The following TNRC6B variants were observed in gnomAD, a reference collection of about 807,000 sequenced individuals.
TNRC6B encodes trinucleotide repeat-containing gene 6B protein.
TNRC6B carries 52 observed loss-of-function variants against 203.6 expected under a neutral mutation model. That is an observed-to-expected ratio of 0.26 (90% CI 0.20 to 0.32). The LOEUF is 0.32. TNRC6B is among the 10% of genes least tolerant of loss of function. TNRC6B has a pLI of 1.00. For synonymous variants in TNRC6B, 838 were observed against 845.7 expected, an observed-to-expected ratio of 0.99 and a Z score of 0.16; for missense variants, 1,923 against 2,286.2, an observed-to-expected ratio of 0.84 and a Z score of 3.24.
intron 1 of TNRC6B, among the ~76,000 whole-genome samples, chr22:40,212,746 T>A (rs2146423509): frequency 6.6e-6 from 1 of 152,232 alleles, no homozygotes; most frequent in South Asian, 2.1e-4. Flanking sequence ...TCTCCTGGGT[T>A]CAAGCGATTC....
chr22:40,065,703 C>T (rs935910425), intron 1 of TNRC6B, among the ~76,000 whole-genome samples: 4 of 152,030 alleles, frequency 2.6e-5, no homozygotes, highest in East Asian at 1.9e-4. Context: ...TCTGGATCGA[C>T]GCTGTTTGAT....
intron 15 of TNRC6B, among the ~76,000 whole-genome samples, chr22:40,306,376 T>A (rs2071088087): frequency 6.6e-6 from 1 of 152,200 alleles, no homozygotes; most frequent in Admixed American, 6.5e-5. Flanking sequence ...AAAATTAATG[T>A]GTAAGGAATG....
intron 3 of TNRC6B, among the ~76,000 whole-genome samples, chr22:40,152,960 G>T (rs2068772693): frequency 6.6e-6 from 1 of 151,926 alleles, no homozygotes; most frequent in African/African-American, 2.4e-5. Context: ...AAATTAGCCA[G>T]GTGTAGTGGC....
chr22:40,107,028 G>C lies in TNRC6B; in HGVS notation c.-120-10027G>C, dbSNP rs2068290211. ...TTTTTTCTTAAGGATTTCTGGCACA[G>C]CAGGAACCTTCTTCTTCTTCTTTTC... On this transcript the variant is annotated intron_variant, in intron 1 of 23. Transcript: ENST00000301923. The C allele has an allele frequency of 3.6e-5, 37 of 1,036,790 alleles. No individual in the cohort carries two copies. In the South Asian group the frequency reaches 4.8e-4, roughly 13 times the overall value. The allele number at this position is 1,036,790 out of a possible 1,614,324, so 64.2% of individuals were successfully genotyped here.
chr22:40,149,821 CAG>C (rs2068732413), intron 3 of TNRC6B, among the ~76,000 whole-genome samples: 1 of 149,922 alleles, frequency 6.7e-6, no homozygotes, highest in Admixed American at 6.6e-5. Context: ...TTTTAAGAGA[CAG>C]GGTCTCACTT....
rs1411787109 is a variant in TNRC6B at position 40,312,912 on chromosome 22, T to C, written c.4593T>C (p.Ser1531=). The stretch of plus-strand genomic sequence containing the variant: ...TCTTTGTTACCCAAGGGTCTAATTC[T>C]TCCCTCAACACCTCGCTGCCTTCAC... ...LLRDNTTGSN[S]SLNTSLPSPG... Residue 1531 remains serine, a synonymous_variant, in exon 19 of 23, where the codon TCT becomes TCC. Coordinates refer to ENST00000454349, the MANE Select transcript of TNRC6B (RefSeq NM_001162501.2). 5 of 1,613,658 alleles carry C rather than the reference T, an allele frequency of 3.1e-6. No individual in the cohort carries two copies. The East Asian group carries it at 6.7e-5, about 22-fold the overall frequency.
At chr22:40,146,223 A>G (rs985323445) in intron 3 of TNRC6B, among the ~76,000 whole-genome samples, 2 of 152,182 alleles carry the variant, frequency 1.3e-5, no homozygotes, top group African/African-American at 2.4e-5. Context: ...GAGACAGACA[A>G]TAAGACACAT....
intron 3 of TNRC6B, chr22:40,253,706 G>A (rs1490900002): frequency 2.2e-6 from 1 of 456,322 alleles, no homozygotes; most frequent in Admixed American, 2.3e-5. Context: ...TGTCCCTGGG[G>A]TATGTTAAGA....
chr22:40,080,842 T>G (rs1019030607), intron 1 of TNRC6B, among the ~76,000 whole-genome samples: 3 of 151,886 alleles, frequency 2.0e-5, no homozygotes, highest in Non-Finnish European at 4.4e-5. Context: ...TTTTTGTTTT[T>G]TTTTTTTTTC....
At chr22:40,322,308 A>T (rs944710962) in intron 22 of TNRC6B, among the ~76,000 whole-genome samples, 4 of 152,216 alleles carry the variant, frequency 2.6e-5, no homozygotes, top group Admixed American at 6.5e-5. Context: ...CTCCACTATT[A>T]TCAACATCCT....
chr22:40,129,115 C>A (rs2068520072), intron 3 of TNRC6B, among the ~76,000 whole-genome samples: 3 of 152,242 alleles, frequency 2.0e-5, no homozygotes, highest in South Asian at 4.2e-4. Context: ...CAACAGTGTT[C>A]TAGACACAGG....
intron 2 of TNRC6B, among the ~76,000 whole-genome samples, chr22:40,249,980 A>T (rs2070165349): frequency 6.6e-6 from 1 of 152,138 alleles, no homozygotes; most frequent in African/African-American, 2.4e-5. Context: ...GTGTGCTGGG[A>T]TCCATTGCGA....
chr22:40,219,943 A>C (rs373755325), intron 1 of TNRC6B, among the ~76,000 whole-genome samples: 4 of 152,340 alleles, frequency 2.6e-5, no homozygotes, highest in East Asian at 1.9e-4. Flanking sequence ...ACCCAGAACA[A>C]AGCGTGGCCT....
rs528763050 is a variant in TNRC6B, at chr22:40,315,531, A to G, written c.4903+24A>G. 95 of 1,609,746 alleles carry G rather than the reference A, an allele frequency of 5.9e-5. No individual in the cohort carries two copies. The South Asian group carries it at 9.7e-4, about 16-fold the overall frequency. On this transcript the variant is annotated intron_variant, in intron 20 of 22. Transcript: ENST00000454349. ...GGGTGAGGAGGATCTGCCTAAAGGA[A>G]CACCATTGTTCATCCACAAGGGGCT... is the stretch of plus-strand genomic sequence containing the variant.
chr22:40,318,373 C>T (rs1217613942), intron 21 of TNRC6B, among the ~76,000 whole-genome samples: 8 of 152,106 alleles, frequency 5.3e-5, no homozygotes, highest in Admixed American at 4.6e-4. Context: ...TGGTGAAACC[C>T]CATCTTTACT....
chr22:40,279,113 A>T (rs541806349), intron 9 of TNRC6B, among the ~76,000 whole-genome samples: 16 of 152,326 alleles, frequency 1.1e-4, no homozygotes, highest in African/African-American at 3.6e-4. Flanking sequence ...TGTGTGCCAG[A>T]TGTGGCCCTC....
At chr22:40,080,388 T>A (rs1451452201) in intron 1 of TNRC6B, among the ~76,000 whole-genome samples, 1 of 152,174 alleles carries the variant, frequency 6.6e-6, no homozygotes, top group Non-Finnish European at 1.5e-5. Flanking sequence ...TGCATTCTGT[T>A]TGATTATAGA....
At chr22:40,101,810 A>T (rs1766922486) in intron 1 of TNRC6B, among the ~76,000 whole-genome samples, 1 of 152,218 alleles carries the variant, frequency 6.6e-6, no homozygotes, top group Non-Finnish European at 1.5e-5. Flanking sequence ...AGTGAGATAA[A>T]TCTAAAATGA....
At chr22:40,198,266 T>G (rs966392376) in intron 1 of TNRC6B, among the ~76,000 whole-genome samples, 8 of 152,186 alleles carry the variant, frequency 5.3e-5, no homozygotes, top group Non-Finnish European at 1.2e-4. Context: ...TCTTCATAGA[T>G]GATGCAAAGT....
Sources: gnomAD v4.1 joint callset for allele counts (sites outside exome capture counted in the v4.1 genomes callset) on GRCh38, gnomAD v4.1.1 for gene constraint, MANE v1.5 for transcripts, NCBI Gene and HGNC (gene_info 2026-07-23, HGNC 2026-07-21) for gene names.